Variants in XKR6 observed in about 807,000 individuals in gnomAD.
XKR6 encodes XK-related protein 6.
XKR6 carries 22 observed loss-of-function variants against 56.7 expected under a neutral mutation model. The observed-to-expected ratio is 0.39, with a 90% CI of 0.28 to 0.55. The LOEUF is 0.55. XKR6 is among the 20% of genes least tolerant of loss of function. The probability of loss-of-function intolerance (pLI) is 0.66; values close to 1 mark genes in which losing one functional copy is unlikely to be tolerated. For missense variants in XKR6, 852 were observed against 889.0 expected (o/e 0.96, Z 0.53); for synonymous variants, 524 against 387.8 (o/e 1.35, Z -4.13).
chr8:10,912,835 T>TGG (rs1563285017), intron 2 of XKR6, among the ~76,000 whole-genome samples: 105 of 146,476 alleles, frequency 7.2e-4, no homozygotes, highest in African/African-American at 2.5e-3. Flanking sequence ...TATATATATA[T>TGG]AGAGAGAGAA....
intron 1 of XKR6, among the ~76,000 whole-genome samples, chr8:11,048,968 AGGCT>A (rs1205974320): frequency 2.0e-5 from 3 of 152,190 alleles, no homozygotes; most frequent in Non-Finnish European, 4.4e-5. Flanking sequence ...AGGTGGCTGC[AGGCT>A]CTTATCAATG....
intron 2 of XKR6, among the ~76,000 whole-genome samples, chr8:10,920,093 T>C (rs1800668559): frequency 6.6e-6 from 1 of 152,080 alleles, no homozygotes; most frequent in Non-Finnish European, 1.5e-5. Flanking sequence ...GGCAAATCCA[T>C]GCAAAACTCA....
At chr8:11,197,258 G>A (rs1803941910) in intron 1 of XKR6, among the ~76,000 whole-genome samples, 1 of 152,204 alleles carries the variant, frequency 6.6e-6, no homozygotes, top group Non-Finnish European at 1.5e-5. Flanking sequence ...CATTAAATGG[G>A]AGATTAATGA....
At position 10,924,849 on chromosome 8, in the gene XKR6, A is replaced by C. The variant is rs1461305242; in HGVS notation, c.765-19T>G. 1 of 1,605,116 alleles carries C rather than the reference A, an allele frequency of 6.2e-7. No homozygotes were observed. Among genetic ancestry groups the C allele is most frequent in the Non-Finnish European group, 8.5e-7 (1 of 1,174,478 alleles). ...GATATACCTGCCCAGAGAGATGGGGAGAACACAGAGAGCATGGGTGGGTGC... is the reference window on the plus strand; with the variant it reads ...GATATACCTGCCCAGAGAGATGGGGCGAACACAGAGAGCATGGGTGGGTGC... On this transcript the variant is annotated intron_variant, in intron 1 of 2. Transcript: ENST00000416569.
intron 1 of XKR6, among the ~76,000 whole-genome samples, chr8:11,083,586 G>C (rs7835953): frequency 0.024 from 3,580 of 152,244 alleles, 47 homozygotes; most frequent in Middle Eastern, 0.044. Flanking sequence ...TTTCCCCTTG[G>C]GGGGCCTGGG....
At chr8:11,084,666 A>G (rs1180825359) in intron 1 of XKR6, among the ~76,000 whole-genome samples, 1 of 152,212 alleles carries the variant, frequency 6.6e-6, no homozygotes, top group Non-Finnish European at 1.5e-5. Flanking sequence ...ATAAGTTACC[A>G]GACTTCAGCT....
In XKR6 at chr8:10,898,801, G is replaced by C; in HGVS notation, c.1077C>G (p.Ile359Met). Reference protein sequence around the residue: ...KKSMSYRGAIIQVFWRLFTIS... With the variant: ...KKSMSYRGAIMQVFWRLFTIS... The stretch of plus-strand genomic sequence containing the variant: ...TGGTGAAGAGGCGCCAGAAGACCTG[G>C]ATGATGGCCCCTCTGTAGCTCATGC... Residue 359 changes from isoleucine to methionine, a missense_variant, in exon 3 of 3, where the codon ATC becomes ATG. By Grantham distance (10) the Ile-to-Met change is conservative (BLOSUM62 1). Transcript: ENST00000416569. The surrounding 1 kb of genome is among the most constrained non-coding windows in gnomAD (Gnocchi z 6.6). 6.2e-7 allele frequency: 1 copy of C among 1,614,166 alleles called. No individual in the cohort carries two copies. Among genetic ancestry groups the C allele is most frequent in the South Asian group, 1.1e-5 (1 of 91,074 alleles).
chr8:11,041,287 G>A (rs1464472772), intron 1 of XKR6, among the ~76,000 whole-genome samples: 4 of 152,200 alleles, frequency 2.6e-5, no homozygotes, highest in Admixed American at 6.5e-5. Context: ...GCCGGGCGCG[G>A]TGGCTCACGC....
chr8:11,129,153 T>A (rs1217630637), intron 1 of XKR6: 1 of 359,034 alleles, frequency 2.8e-6, no homozygotes, highest in Non-Finnish European at 5.4e-6. Flanking sequence ...TTTGGAGTGA[T>A]GAAAACATTT....
chr8:11,029,488 T>G (rs992487778), intron 1 of XKR6, among the ~76,000 whole-genome samples: 1 of 152,134 alleles, frequency 6.6e-6, no homozygotes, highest in Non-Finnish European at 1.5e-5. Flanking sequence ...TAAACAGAAG[T>G]GCATGAACCA....
intron 1 of XKR6, among the ~76,000 whole-genome samples, chr8:11,192,856 T>C (rs867246956): frequency 6.6e-6 from 1 of 152,102 alleles, no homozygotes; most frequent in Non-Finnish European, 1.5e-5. Flanking sequence ...ACAGCTGAAG[T>C]GAGAAAGTCA....
At chr8:11,157,722 T>C (rs533498733) in intron 1 of XKR6, among the ~76,000 whole-genome samples, 3 of 152,272 alleles carry the variant, frequency 2.0e-5, no homozygotes, top group Non-Finnish European at 4.4e-5. Flanking sequence ...GGTCTCACCA[T>C]GTTGCTGGGC....
chr8:10,912,332 A>AT (rs2129111148), intron 2 of XKR6, among the ~76,000 whole-genome samples: 1 of 118,912 alleles, frequency 8.4e-6, no homozygotes, highest in South Asian at 2.7e-4. Flanking sequence ...ATATATATAT[A>AT]TATATATATA....
chr8:10,913,897 G>A lies in XKR6; in HGVS notation c.961+10737C>T, dbSNP rs1196768376. 3.3e-5 allele frequency among the ~76,000 whole-genome samples: 5 copies of A among 152,288 alleles called. No individual in the cohort carries two copies. The East Asian group carries it at 5.8e-4, about 18-fold the overall frequency. On this transcript the variant is annotated intron_variant, in intron 2 of 2. Coordinates refer to ENST00000416569, the MANE Select transcript of XKR6 (RefSeq NM_173683.4). ...AGCACGAGGCAGGAGGACCTGCGAC[G>A]GGGGCCCCATGATTATGTTGCAGAT...
At chr8:11,033,620 C>A (rs1799062283) in intron 1 of XKR6, among the ~76,000 whole-genome samples, 1 of 152,108 alleles carries the variant, frequency 6.6e-6, no homozygotes, top group South Asian at 2.1e-4. Context: ...ATGGGCACTG[C>A]CCCATAACCT....
intron 1 of XKR6, among the ~76,000 whole-genome samples, chr8:11,139,704 G>A (rs989547738): frequency 2.6e-5 from 4 of 152,178 alleles, no homozygotes; most frequent in African/African-American, 9.7e-5. Flanking sequence ...AGGGGAAGCA[G>A]GAAACCTGTA....
chr8:11,042,448 T>C (rs1799309154), intron 1 of XKR6, among the ~76,000 whole-genome samples: 1 of 152,034 alleles, frequency 6.6e-6, no homozygotes. Context: ...GATCTGATGG[T>C]TTTATAAAGG....
At chr8:11,087,457 G>A (rs1405122492) in intron 1 of XKR6, among the ~76,000 whole-genome samples, 5 of 152,288 alleles carry the variant, frequency 3.3e-5, no homozygotes, top group Non-Finnish European at 5.9e-5. Flanking sequence ...GCACAGCAAC[G>A]TGATGAAGTT....
intron 1 of XKR6, among the ~76,000 whole-genome samples, chr8:11,005,489 G>C (rs1173754903): frequency 6.6e-6 from 1 of 152,054 alleles, no homozygotes; most frequent in Non-Finnish European, 1.5e-5. Flanking sequence ...ATGGACGGTG[G>C]TAATGGTTGT....
Sources: allele counts gnomAD v4.1 joint callset (sites outside exome capture counted in the v4.1 genomes callset), GRCh38; gene constraint gnomAD v4.1.1; non-coding constraint Gnocchi (gnomAD v3.1); transcripts MANE v1.5; gene names NCBI Gene and HGNC (gene_info 2026-07-23, HGNC 2026-07-21).